MED12L: variants seen among roughly 807,000 people sequenced by gnomAD.
MED12L encodes mediator complex subunit 12L.
In MED12L, 60 loss-of-function variants were observed where a neutral mutation model predicts 281.3. That is an observed-to-expected ratio of 0.21 (90% CI 0.17 to 0.26). The LOEUF is 0.26. Ranked by LOEUF, MED12L falls within the 10% of genes least tolerant of loss-of-function variation. The pLI is 1.00. For missense variants in MED12L, 2,146 were observed against 2,680.9 expected (o/e 0.80, Z 4.41); for synonymous variants, 974 against 987.2 (o/e 0.99, Z 0.25).
intron 5 of MED12L, among the ~76,000 whole-genome samples, chr3:151,155,135 CA>C (rs1371249466): frequency 2.0e-5 from 3 of 152,138 alleles, no homozygotes; most frequent in Non-Finnish European, 4.4e-5. Flanking sequence ...TTTCTTTTGT[CA>C]AAATAGAAGG....
rs1344089590 is a variant in MED12L at position 151,092,033 on chromosome 3, T to A, written c.99+5008T>A. Among the ~76,000 whole-genome samples the A allele has an allele frequency of 3.3e-5, 5 of 152,354 alleles. No homozygotes were observed. In the East Asian group the frequency reaches 9.6e-4, roughly 29 times the overall value. ...GGATGCTGGGGGTCTCCTGTTGTACTTAACCATAACAGCCACAAGATCCTG... is the reference window on the plus strand; with the variant it reads ...GGATGCTGGGGGTCTCCTGTTGTACATAACCATAACAGCCACAAGATCCTG... On this transcript the variant is annotated intron_variant, in intron 2 of 44. Coordinates refer to ENST00000687756, the MANE Select transcript of MED12L (RefSeq NM_001393769.1).
chr3:151,271,756 A>T (rs1234699037), intron 16 of MED12L, among the ~76,000 whole-genome samples: 2 of 152,208 alleles, frequency 1.3e-5, no homozygotes, highest in African/African-American at 2.4e-5. Context: ...GTTGAGCAAA[A>T]CAAGTCAGAC....
At chr3:151,432,232 A>C (rs1719615149) in intron 44 of MED12L, among the ~76,000 whole-genome samples, 1 of 152,230 alleles carries the variant, frequency 6.6e-6, no homozygotes, top group African/African-American at 2.4e-5. Context: ...ATGCATGTGC[A>C]GGCATGCATG....
At chr3:151,300,372 G>A (rs528846326) in intron 16 of MED12L, among the ~76,000 whole-genome samples, 12 of 152,188 alleles carry the variant, frequency 7.9e-5, no homozygotes, top group Non-Finnish European at 1.5e-4. Context: ...CCTGCTGGGA[G>A]TTATGTCTTG....
chr3:151,125,913 A>T (rs562146654), intron 4 of MED12L, among the ~76,000 whole-genome samples: 1 of 152,176 alleles, frequency 6.6e-6, no homozygotes, highest in Non-Finnish European at 1.5e-5. Flanking sequence ...TCTCCTGTTT[A>T]GTTGTGTTGT....
At chr3:151,347,497 C>G (rs748772772) in intron 16 of MED12L, among the ~76,000 whole-genome samples, 22 of 152,266 alleles carry the variant, frequency 1.4e-4, no homozygotes, top group Non-Finnish European at 1.9e-4. Context: ...TCCCCTCCTT[C>G]TGTGGGGAGG....
At chr3:151,426,350 T>C (rs1454483820) in intron 43 of MED12L, among the ~76,000 whole-genome samples, 1 of 151,974 alleles carries the variant, frequency 6.6e-6, no homozygotes, top group Non-Finnish European at 1.5e-5. Flanking sequence ...ACAGGAGGGG[T>C]TCAGTTTGAA....
intron 5 of MED12L, among the ~76,000 whole-genome samples, chr3:151,139,063 A>G (rs1314198186): frequency 1.3e-5 from 2 of 152,118 alleles, no homozygotes; most frequent in East Asian, 1.9e-4. Context: ...CATTTCTATC[A>G]GTATTGATTC....
chr3:151,241,429 G>T (rs754438441), intron 16 of MED12L, among the ~76,000 whole-genome samples: 1 of 152,118 alleles, frequency 6.6e-6, no homozygotes, highest in Admixed American at 6.5e-5. Flanking sequence ...TGAATTCCAT[G>T]TGTTGATCCC....
At chr3:151,280,069 A>G (rs369602642) in intron 16 of MED12L, among the ~76,000 whole-genome samples, 6 of 152,264 alleles carry the variant, frequency 3.9e-5, no homozygotes, top group East Asian at 3.9e-4. Flanking sequence ...CTTTGACTGG[A>G]GCTGCTTGCT....
intron 16 of MED12L, among the ~76,000 whole-genome samples, chr3:151,344,844 T>A (rs1451102103): frequency 1.3e-5 from 2 of 152,184 alleles, no homozygotes; most frequent in African/African-American, 4.8e-5. Context: ...TCAGAAAATG[T>A]GAGTAAGGTG....
At chr3:151,285,704 A>G (rs763186442) in intron 16 of MED12L, among the ~76,000 whole-genome samples, 1 of 152,170 alleles carries the variant, frequency 6.6e-6, no homozygotes, top group Non-Finnish European at 1.5e-5. Context: ...AATAAAAGAA[A>G]AAAACATATT....
intron 39 of MED12L, among the ~76,000 whole-genome samples, chr3:151,407,819 A>G (rs979163150): frequency 1.3e-5 from 2 of 151,718 alleles, no homozygotes; most frequent in Admixed American, 1.3e-4. Context: ...ATGTGTAGAT[A>G]GATAGTCACC....
At chr3:151,258,305 T>C (rs759569737) in intron 16 of MED12L, among the ~76,000 whole-genome samples, 6 of 152,262 alleles carry the variant, frequency 3.9e-5, no homozygotes, top group Non-Finnish European at 5.9e-5. Context: ...CTTCCCACTT[T>C]CTTTAATTCT....
At chr3:151,334,792 A>G (rs977768812) in intron 16 of MED12L, among the ~76,000 whole-genome samples, 2 of 152,014 alleles carry the variant, frequency 1.3e-5, no homozygotes, top group Non-Finnish European at 2.9e-5. Context: ...GAGCCACTGC[A>G]CCAGGTCCCC....
In MED12L at chr3:151,193,623, T is replaced by A. The variant is rs766044748; in HGVS notation, c.2207T>A (p.Leu736His). 6.2e-7 allele frequency: 1 copy of A among 1,614,148 alleles called. No individual in the cohort carries two copies. Among genetic ancestry groups the A allele is most frequent in the Non-Finnish European group, 8.5e-7 (1 of 1,179,994 alleles). Residue 736 changes from leucine to histidine, a missense_variant, in exon 16 of 45, where the codon CTC becomes CAC. By Grantham distance (99) the Leu-to-His change is moderately conservative (BLOSUM62 -3). Coordinates refer to ENST00000687756, the MANE Select transcript of MED12L (RefSeq NM_001393769.1). ...RELIFPSNYD[L>H]LRHLQYATHF... ...TTAATTTTTCCATCTAATTATGACC[T>A]CCTTCGCCACTTACAGTATGCAACA...
intron 14 of MED12L, 73 bp downstream of exon 14, chr3:151,191,004 T>C (rs1723904317): frequency 1.5e-6 from 2 of 1,336,986 alleles, no homozygotes; most frequent in African/African-American, 1.4e-5. Flanking sequence ...AAATGGGTCA[T>C]GTAGTGGTAG....
intron 38 of MED12L, among the ~76,000 whole-genome samples, chr3:151,394,066 A>G (rs1279600106): frequency 2.0e-5 from 3 of 152,170 alleles, no homozygotes; most frequent in African/African-American, 7.2e-5. Context: ...AAGCATCGGT[A>G]TAATAGTTGC....
At chr3:151,126,556 A>G (rs1714558124) in intron 4 of MED12L, among the ~76,000 whole-genome samples, 1 of 152,216 alleles carries the variant, frequency 6.6e-6, no homozygotes, top group African/African-American at 2.4e-5. Flanking sequence ...ACAGATATCC[A>G]CTGTATGAGT....
Sources: gnomAD v4.1 joint callset for allele counts (sites outside exome capture counted in the v4.1 genomes callset) on GRCh38, gnomAD v4.1.1 for gene constraint, MANE v1.5 for transcripts, NCBI Gene and HGNC (gene_info 2026-07-23, HGNC 2026-07-21) for gene names.